Variants in PROCA1 observed in about 807,000 individuals in gnomAD.
PROCA1 encodes protein interacting with cyclin A1, also known as protein PROCA1.
Under a neutral mutation model 23.2 loss-of-function variants are expected in PROCA1, and 22 were observed. The observed-to-expected ratio is 0.95, with a 90% confidence interval of 0.68 to 1.35. PROCA1 has a LOEUF of 1.35. PROCA1 is among the 40% of genes most tolerant of loss of function. The probability of loss-of-function intolerance (pLI) is 0.00; values close to 1 mark genes in which losing one functional copy is unlikely to be tolerated. For synonymous variants in PROCA1, 182 were observed against 179.2 expected (o/e 1.02, Z -0.12); for missense variants, 469 against 459.8 (o/e 1.02, Z -0.18).
chr17:28,703,565 A>T lies in PROCA1; in HGVS notation c.1088T>A (p.Leu363His). ...ACCCTGACCACCCTGGCCTCAACTGAGGTTGGGGTTTGATCCTGGGGGAGA... is the reference window on the plus strand; with the variant it reads ...ACCCTGACCACCCTGGCCTCAACTGTGGTTGGGGTTTGATCCTGGGGGAGA... ...RKSPPGSNPN[L>H]S The change falls in exon 5 of 5, where the codon CTC becomes CAC. Residue 363 changes from leucine to histidine, a missense_variant. Physicochemically the swap from Leu to His is moderately conservative, Grantham distance 99. Transcript: ENST00000682792. 6.2e-7 allele frequency: 1 copy of T among 1,613,120 alleles called. No homozygotes were observed. The highest frequency in any genetic ancestry group is 8.5e-7 in the Non-Finnish European group (1 of 1,179,504).
In PROCA1 at chr17:28,711,878, G is replaced by A; in HGVS notation, c.-218C>T. 2.1e-6 allele frequency: 1 copy of A among 486,418 alleles called. No individual in the cohort carries two copies. 30.1% of individuals were successfully genotyped at this position (486,418 alleles called of 1,614,324 possible). A position where few individuals can be genotyped will look rare whatever the true frequency, so the allele number is the denominator to read the frequency against. On this transcript the variant is annotated 5_prime_UTR_variant, in exon 1 of 5. In the 5' UTR this introduces an upstream ATG that the reference lacks. Transcript: ENST00000682792. ...CCAGCTGGGTCTCAGCGTCAGCCGC[G>A]TTCTTCATCCGGGGCCTCCGGCGCC...
intron 1 of PROCA1, chr17:28,710,801 AGT>A: frequency 1.5e-6 from 2 of 1,304,042 alleles, no homozygotes; most frequent in African/African-American, 3.0e-5. Flanking sequence ...GGTGAAAGAA[AGT>A]GGGAGGCTTA....
At chr17:28,711,003 G>GGGAAGGGAGGGAAGGAGTAGGGCT in intron 1 of PROCA1, 1 of 1,209,536 alleles carries the variant, frequency 8.3e-7, no homozygotes, top group Non-Finnish European at 1.1e-6. Flanking sequence ...GGAGTAGGGC[G>GGGAAGGGAGGGAAGGAGTAGGGCT]GGAAGGGAGG....
At chr17:28,711,068 G>A in intron 1 of PROCA1, 1 of 1,184,282 alleles carries the variant, frequency 8.4e-7, no homozygotes, top group African/African-American at 1.6e-5. Flanking sequence ...GGGGCAGTGC[G>A]CCCGCGTCTC....
Position 28,704,434 on chromosome 17 carries a change from G to A in PROCA1, c.313C>T (p.Leu105=). The A allele has an allele frequency of 1.2e-6, 2 of 1,611,072 alleles. No homozygotes were observed. Among genetic ancestry groups the A allele is most frequent in the Non-Finnish European group, 1.7e-6 (2 of 1,178,788 alleles). ...CTGCTATCCTCTGAAGAGTCCTTCA[G>A]CCTGCCACACATGGGACTCTCAGCC... ...SVNHCNCNSR[L]KDSSEDSSSS... Residue 105 remains leucine, a splice_region_variant and synonymous_variant, in exon 4 of 5, where the codon CTG becomes TTG. Coordinates refer to ENST00000682792, the MANE Select transcript of PROCA1 (RefSeq NM_001366301.1).
intron 2 of PROCA1, 29 bp from the exon 3 acceptor site, chr17:28,704,872 T>C (rs983948888): frequency 1.2e-6 from 2 of 1,607,842 alleles, no homozygotes; most frequent in Non-Finnish European, 1.7e-6. Context: ...GGGTCATCAG[T>C]AGCAGCCGCA....
rs192205814 is a variant in PROCA1, at chr17:28,709,316, C to T, written c.91+2254G>A. ...TGTCGCCCAGGCTGGAGTGCAGTGG[C>T]GGGATCTTGGCTCACTGCAAGCTCC... On this transcript the variant is annotated intron_variant, in intron 1 of 4. Coordinates refer to ENST00000682792, the MANE Select transcript of PROCA1 (RefSeq NM_001366301.1). Among the ~76,000 whole-genome samples, 91 of 151,544 alleles carry T rather than the reference C, an allele frequency of 6.0e-4. 1 individual carries two copies. The highest frequency in any genetic ancestry group is 1.9e-3 in the African/African-American group (80 of 41,350).
intron 2 of PROCA1, chr17:28,705,095 C>A: frequency 2.5e-6 from 1 of 400,122 alleles, no homozygotes; most frequent in Non-Finnish European, 4.5e-6. Flanking sequence ...TACTTCTGTC[C>A]TCTCCCTCCA....
At chr17:28,705,281 ATC>A (rs1388207450) in intron 2 of PROCA1, 5 of 168,988 alleles carry the variant, frequency 3.0e-5, no homozygotes, top group Non-Finnish European at 6.4e-5. Context: ...GCCCACGCTG[ATC>A]TCTCACAGCC....
At chr17:28,708,730 G>GATAAAAAA (rs1368224587) in intron 1 of PROCA1, among the ~76,000 whole-genome samples, 1 of 113,108 alleles carries the variant, frequency 8.8e-6, no homozygotes. Flanking sequence ...TCCAGAAAAA[G>GATAAAAAA]GAAAAAAAAA....
At chr17:28,704,868 T>C in intron 2 of PROCA1, 25 bp from the exon 3 acceptor site, 1 of 1,609,392 alleles carries the variant, frequency 6.2e-7, no homozygotes, top group Non-Finnish European at 8.5e-7. Context: ...GTCTGGGTCA[T>C]CAGTAGCAGC....
intron 2 of PROCA1, 55 bp from the exon 3 acceptor site, chr17:28,704,898 C>CCACAGCT: frequency 1.3e-6 from 2 of 1,564,316 alleles, no homozygotes; most frequent in Non-Finnish European, 1.7e-6. Flanking sequence ...CTGGGTCTTC[C>CCACAGCT]CACAGCTCAA....
In PROCA1 at chr17:28,709,386, G is replaced by A. The variant is rs529678455; in HGVS notation, c.91+2184C>T. 2.0e-5 allele frequency among the ~76,000 whole-genome samples: 3 copies of A among 152,086 alleles called. No individual in the cohort carries two copies. The South Asian group carries it at 6.2e-4, about 32-fold the overall frequency. On this transcript the variant is annotated intron_variant, in intron 1 of 4. Coordinates refer to ENST00000682792, the MANE Select transcript of PROCA1 (RefSeq NM_001366301.1). ...TTCTCCTGCCTCAGCCTCCCGAGGA[G>A]CTGGGACTACAGACGCCCACCACCA...
At chr17:28,705,774 ACT>A (rs1567715039) in intron 2 of PROCA1, 1 of 152,110 alleles carries the variant, frequency 6.6e-6, no homozygotes, top group Admixed American at 6.6e-5. Flanking sequence ...CCATGAGGCG[ACT>A]CTGCGCCTCT....
rs1214098793 is a variant in PROCA1 at position 28,711,573 on chromosome 17, G to A, written c.88C>T (p.Arg30Cys). 1 of 1,607,890 alleles carries A rather than the reference G, an allele frequency of 6.2e-7. No individual in the cohort carries two copies. Among genetic ancestry groups the A allele is most frequent in the Non-Finnish European group, 8.5e-7 (1 of 1,178,136 alleles). ...GCCCCTGCCCCGCCCCTCTTACCGC[G>A]GCATCTGCTCTCATCCCACGAGCGG... ...KARSWDESRC[R>C]DVNRLPSWER... Residue 30 changes from arginine to cysteine, a missense_variant, in exon 1 of 5, where the codon CGC (arginine) becomes TGC (cysteine). Physicochemically the swap from Arg to Cys is radical, Grantham distance 180. Transcript: ENST00000682792.
At position 28,711,639 on chromosome 17, in the gene PROCA1, T is replaced by C; in HGVS notation, c.22A>G (p.Thr8Ala). Reference protein sequence around the residue: MWVRTTLTIERWTKEKTE... With the variant: MWVRTTLAIERWTKEKTE... ...TTTTCCTTAGTCCATCTTTCAATTG[T>C]GAGCGTCGTCCTGACCCACATCGCT... The change falls in exon 1 of 5, where the codon ACA (threonine) becomes GCA (alanine). Residue 8 changes from threonine to alanine, a missense_variant. By Grantham distance (58) the Thr-to-Ala change is moderately conservative. Coordinates refer to ENST00000682792, the MANE Select transcript of PROCA1 (RefSeq NM_001366301.1). The C allele has an allele frequency of 6.2e-7, 1 of 1,612,790 alleles. No homozygotes were observed. Among genetic ancestry groups the C allele is most frequent in the South Asian group, 1.1e-5 (1 of 91,010 alleles).
In PROCA1 at chr17:28,711,808, G is replaced by C. The variant is rs977379662; in HGVS notation, c.-148C>G. The C allele has an allele frequency of 1.6e-6, 1 of 606,320 alleles. No individual in the cohort carries two copies. 37.6% of individuals were successfully genotyped at this position (606,320 alleles called of 1,614,324 possible). ...CCTAACCCCGCCTCATGCTGGCGCA[G>C]CCCCCGCCGGCCTCCCCAGCCCGGC... On this transcript the variant is annotated 5_prime_UTR_variant, in exon 1 of 5. Transcript: ENST00000682792.
At chr17:28,705,018 T>A in intron 2 of PROCA1, 175 bp from the exon 3 acceptor site, 1 of 613,750 alleles carries the variant, frequency 1.6e-6, no homozygotes, top group Admixed American at 3.0e-5. Context: ...CCCAGCAAAG[T>A]GTCTGGTTCC....
intron 1 of PROCA1, chr17:28,711,178 G>A: frequency 8.6e-7 from 1 of 1,159,008 alleles, no homozygotes; most frequent in South Asian, 1.9e-5. Flanking sequence ...CGATGGAACC[G>A]CCCGCTCCCG....
Sources: allele counts gnomAD v4.1 joint callset (sites outside exome capture counted in the v4.1 genomes callset), GRCh38; gene constraint gnomAD v4.1.1; transcripts MANE v1.5; gene names NCBI Gene and HGNC (gene_info 2026-07-23, HGNC 2026-07-21).